The following PDK1 variants were observed in gnomAD, a reference collection of about 807,000 sequenced individuals.
PDK1 encodes pyruvate dehydrogenase kinase 1, also known as [Pyruvate dehydrogenase (acetyl-transferring)] kinase isozyme 1, mitochondrial.
A neutral mutation model predicts 54.2 loss-of-function variants in PDK1; 39 were observed. The ratio of observed to expected loss-of-function variants is 0.72; its 90% confidence interval spans 0.56 to 0.94. The LOEUF is 0.94. Among genes scored for constraint, PDK1 ranks in the 40% least tolerant of loss-of-function variants. The pLI is 0.00. For synonymous variants in PDK1, 221 were observed against 207.1 expected (o/e 1.07, Z -0.58); for missense variants, 552 against 566.0 (o/e 0.98, Z 0.25).
At chr2:172,617,279 TAAG>T in the PDK1 span, among the ~76,000 whole-genome samples, 1 of 152,114 alleles carries the variant, frequency 6.6e-6, no homozygotes, top group African/African-American at 2.4e-5. Context: ...AAATAATACT[TAAG>T]AAAATTAAAT....
rs760559839 is a variant in PDK1, at chr2:172,556,360, G to T, written c.196+14G>T. On this transcript the variant is annotated intron_variant, in intron 1 of 10. Coordinates refer to ENST00000282077, the MANE Select transcript of PDK1 (RefSeq NM_002610.5). Reference sequence around the variant, plus strand: ...TCCTGGACTTCGGTGAGTGCGGCCCGGGACCTTGGGCCTTTTTGCGCGGTC... The same window carrying T: ...TCCTGGACTTCGGTGAGTGCGGCCCTGGACCTTGGGCCTTTTTGCGCGGTC... The T allele has an allele frequency of 9.2e-6, 13 of 1,416,650 alleles. No homozygotes were observed. In the African/African-American group the frequency reaches 1.9e-4, roughly 21 times the overall value. The allele number at this position is 1,416,650 out of a possible 1,614,324, so 87.8% of individuals were successfully genotyped here.
the PDK1 span, chr2:172,674,109 G>C: frequency 6.6e-6 from 1 of 152,252 alleles, no homozygotes; most frequent in Non-Finnish European, 1.5e-5. Flanking sequence ...TATCAACAAA[G>C]AAGCCCCCAG....
chr2:172,669,561 C>T, the PDK1 span, among the ~76,000 whole-genome samples: 4 of 152,210 alleles, frequency 2.6e-5, no homozygotes, highest in East Asian at 7.7e-4. Context: ...CTGGATCATA[C>T]GGTGGTTTTA....
the PDK1 span, among the ~76,000 whole-genome samples, chr2:172,665,400 G>T: frequency 6.6e-6 from 1 of 152,096 alleles, no homozygotes; most frequent in Non-Finnish European, 1.5e-5. Context: ...GCTAGGGTGT[G>T]GTGAGGGAAT....
At chr2:172,633,223 T>C in the PDK1 span, among the ~76,000 whole-genome samples, 1 of 151,266 alleles carries the variant, frequency 6.6e-6, no homozygotes, top group Non-Finnish European at 1.5e-5. Flanking sequence ...AAAAAAATTT[T>C]TTTTTTTAGA....
Position 172,556,141 on chromosome 2 carries a change from G to T in PDK1, c.-10G>T. 7.1e-7 allele frequency: 1 copy of T among 1,403,998 alleles called. No individual in the cohort carries two copies. Among genetic ancestry groups the T allele is most frequent in the South Asian group, 1.5e-5 (1 of 65,464 alleles). The allele number at this position is 1,403,998 out of a possible 1,614,324, so 87.0% of individuals were successfully genotyped here. ...GCGTACTGGCTGTGGCTTCTCTAGC[G>T]GGACTCGGCATGAGGCTGGCGCGGC... On this transcript the variant is annotated 5_prime_UTR_variant, in exon 1 of 11. Coordinates refer to ENST00000282077, the MANE Select transcript of PDK1 (RefSeq NM_002610.5).
the PDK1 span, among the ~76,000 whole-genome samples, chr2:172,677,967 G>A: frequency 1.3e-5 from 2 of 152,106 alleles, no homozygotes; most frequent in South Asian, 2.1e-4. Context: ...TCAGGAGTTC[G>A]AGACCAGCCT....
chr2:172,713,585 C>T, the PDK1 span, among the ~76,000 whole-genome samples: 2 of 152,230 alleles, frequency 1.3e-5, no homozygotes, highest in African/African-American at 2.4e-5. Context: ...ACACCCAGCC[C>T]GGTTGTGACA....
rs1337537940 is a variant in PDK1 at position 172,586,354 on chromosome 2, G to C, written c.1022G>C (p.Arg341Thr). The change falls in exon 9 of 11, where the codon AGA (arginine) becomes ACA (threonine). Residue 341 changes from arginine (R) to threonine (T), a missense_variant. By Grantham distance (71) the Arg-to-Thr change is moderately conservative (BLOSUM62 -1). Transcript: ENST00000282077. ...LFNYMYSTAP[R>T]PRVETSRAVP... Reference sequence around the variant, plus strand: ...AACTACATGTATTCAACTGCACCAAGACCTCGTGTTGAGACCTCCCGCGCA... The same window carrying C: ...AACTACATGTATTCAACTGCACCAACACCTCGTGTTGAGACCTCCCGCGCA... 1 of 1,612,446 alleles carries C rather than the reference G, an allele frequency of 6.2e-7. No individual in the cohort carries two copies. Among genetic ancestry groups the C allele is most frequent in the Admixed American group, 1.7e-5 (1 of 60,008 alleles).
the PDK1 span, among the ~76,000 whole-genome samples, chr2:172,625,916 AAAAT>A: frequency 6.6e-6 from 1 of 152,244 alleles, no homozygotes; most frequent in African/African-American, 2.4e-5. Context: ...TGACAAAGAG[AAAAT>A]AAACATAAAC....
chr2:172,660,917 C>A, the PDK1 span, among the ~76,000 whole-genome samples: 2 of 152,022 alleles, frequency 1.3e-5, no homozygotes, highest in Non-Finnish European at 2.9e-5. Context: ...GGAAGAAGGA[C>A]AAGAATAAAT....
the PDK1 span, among the ~76,000 whole-genome samples, chr2:172,705,250 G>A: frequency 6.6e-6 from 1 of 152,162 alleles, no homozygotes; most frequent in South Asian, 2.1e-4. Flanking sequence ...AGTATCCAAA[G>A]TCCAAGGATT....
chr2:172,696,394 C>T, the PDK1 span, among the ~76,000 whole-genome samples: 1 of 152,276 alleles, frequency 6.6e-6, no homozygotes, highest in East Asian at 1.9e-4. Context: ...ATAGTTCATG[C>T]ACTACCCAAC....
At chr2:172,579,804 C>A (rs1433611797) in intron 8 of PDK1, among the ~76,000 whole-genome samples, 1 of 151,252 alleles carries the variant, frequency 6.6e-6, no homozygotes, top group Non-Finnish European at 1.5e-5. Flanking sequence ...TTTGAACTTC[C>A]CATTATTTTC....
At chr2:172,620,784 C>T in the PDK1 span, among the ~76,000 whole-genome samples, 5 of 152,162 alleles carry the variant, frequency 3.3e-5, no homozygotes, top group Non-Finnish European at 7.4e-5. Context: ...TGCCTGCTCT[C>T]CCTTTGCCTT....
the PDK1 span, among the ~76,000 whole-genome samples, chr2:172,680,037 A>C: frequency 6.6e-6 from 1 of 152,238 alleles, no homozygotes; most frequent in Non-Finnish European, 1.5e-5. Flanking sequence ...TCAATGCTTA[A>C]GAGAAAACTT....
chr2:172,708,675 G>A, the PDK1 span, among the ~76,000 whole-genome samples: 1 of 152,104 alleles, frequency 6.6e-6, no homozygotes, highest in South Asian at 2.1e-4. Context: ...AGATTTTTTT[G>A]ATTTCGAAGT....
At position 172,602,845 on chromosome 2, in the gene PDK1, C is replaced by T. The variant is rs1691158253; in HGVS notation, c.*6876C>T. ...GGTCCCTTTAATCTTAAAACCAACT[C>T]TCAGTGACCAACAAAAGCAACAAAT... On this transcript the variant is annotated 3_prime_UTR_variant, in exon 11 of 11. Coordinates refer to ENST00000282077, the MANE Select transcript of PDK1 (RefSeq NM_002610.5). 6.6e-6 allele frequency: 1 copy of T among 152,130 alleles called. No individual in the cohort carries two copies. Among genetic ancestry groups the T allele is most frequent in the African/African-American group, 2.4e-5 (1 of 41,404 alleles). The allele number at this position is 152,130 out of a possible 1,614,324, so 9.4% of individuals were successfully genotyped here. A position where few individuals can be genotyped will look rare whatever the true frequency, so the allele number is the denominator to read the frequency against.
At chr2:172,703,919 C>T in the PDK1 span, among the ~76,000 whole-genome samples, 3 of 151,702 alleles carry the variant, frequency 2.0e-5, no homozygotes, top group Non-Finnish European at 4.4e-5. Context: ...ATTACAGGCA[C>T]GTGCCACCAC....
Sources: allele counts gnomAD v4.1 joint callset (sites outside exome capture counted in the v4.1 genomes callset), GRCh38; gene constraint gnomAD v4.1.1; transcripts MANE v1.5; gene names NCBI Gene and HGNC (gene_info 2026-07-23, HGNC 2026-07-21).